Variants in MBD5 observed in about 807,000 individuals in gnomAD.
MBD5 encodes methyl-CpG-binding domain protein 5.
MBD5 carries 13 observed loss-of-function variants against 117.3 expected under a neutral mutation model. The observed-to-expected ratio is 0.11, with a 90% CI of 0.07 to 0.18. MBD5 has a LOEUF of 0.18. MBD5 is among the 10% of genes least tolerant of loss of function. The pLI, the probability that MBD5 is intolerant of heterozygous loss-of-function variation, is 1.00. For missense variants in MBD5, 1,879 were observed against 2,093.8 expected (o/e 0.90, Z 2.00); for synonymous variants, 727 against 766.4 (o/e 0.95, Z 0.85).
rs542115109 is a variant in MBD5 at position 148,360,320 on chromosome 2, A to G, written c.-557+17984A>G. On this transcript the variant is annotated intron_variant, in intron 4 of 13. Transcript: ENST00000642680. ...TAAAGTGCATATATTTTTTGGATTA[A>G]CAACACATTTATTTTTAGTATATGT... Among the ~76,000 whole-genome samples, 3 of 152,304 alleles carry G rather than the reference A, an allele frequency of 2.0e-5. No individual in the cohort carries two copies. The South Asian group carries it at 6.2e-4, about 32-fold the overall frequency.
chr2:148,288,394 C>A (rs1290776546), intron 3 of MBD5, among the ~76,000 whole-genome samples: 1 of 32,756 alleles, frequency 3.1e-5, no homozygotes. Flanking sequence ...AGCGAGACTC[C>A]GTCTCAAAAA....
rs1465514743 is a variant in MBD5 at position 148,483,936 on chromosome 2, A to G, written c.3345A>G (p.Ala1115=). The G allele has an allele frequency of 2.6e-6, 4 of 1,550,524 alleles. No homozygotes were observed. The highest frequency in any genetic ancestry group is 2.6e-6 in the Non-Finnish European group (3 of 1,146,944). The part of the protein sequence containing the change: ...PEVSIATSSQ[A]TTTTTTTSSA... Reference sequence around the variant, plus strand: ...TTTCCATAGCAACCTCCTCCCAGGCAACCACTACCACAACCACTACATCAT... The same window carrying G: ...TTTCCATAGCAACCTCCTCCCAGGCGACCACTACCACAACCACTACATCAT... The change falls in exon 9 of 14, where the codon GCA becomes GCG. Residue 1115 remains alanine, a synonymous_variant. Transcript: ENST00000642680.
intron 1 of MBD5, among the ~76,000 whole-genome samples, chr2:148,031,199 C>T (rs1694028479): frequency 6.6e-6 from 1 of 151,992 alleles, no homozygotes; most frequent in Non-Finnish European, 1.5e-5. Flanking sequence ...TAATCAGGTA[C>T]TGGTTTGAAT....
chr2:148,082,261 G>A (rs1695665736), intron 1 of MBD5, among the ~76,000 whole-genome samples: 2 of 152,072 alleles, frequency 1.3e-5, no homozygotes, highest in Non-Finnish European at 2.9e-5. Flanking sequence ...TCTGAACCCT[G>A]AGTTTTTCAA....
intron 1 of MBD5, among the ~76,000 whole-genome samples, chr2:148,085,510 G>A (rs997062555): frequency 7.2e-5 from 11 of 151,956 alleles, no homozygotes; most frequent in Admixed American, 2.6e-4. Flanking sequence ...GGATCACGAG[G>A]TCAGGAGATC....
chr2:148,438,606 G>T (rs1011194272), intron 4 of MBD5, among the ~76,000 whole-genome samples: 1 of 152,124 alleles, frequency 6.6e-6, no homozygotes, highest in Non-Finnish European at 1.5e-5. Flanking sequence ...AGAACCAAGA[G>T]AATATGTATA....
rs1024511946 is a variant in MBD5, at chr2:148,483,898, A to G, written c.3307A>G (p.Asn1103Asp). ...VLNSASANTA[N>D]HPEVSIATSS... ...GAACTCGGCATCGGCCAACACCGCTAATCATCCAGAGGTTTCCATAGCAAC... is the reference window on the plus strand; with the variant it reads ...GAACTCGGCATCGGCCAACACCGCTGATCATCCAGAGGTTTCCATAGCAAC... Residue 1103 changes from asparagine (N) to aspartate (D), a missense_variant, in exon 9 of 14, where the codon AAT becomes GAT. Asn to Asp is a conservative substitution (Grantham distance 23). Transcript: ENST00000642680. 1 of 1,550,586 alleles carries G rather than the reference A, an allele frequency of 6.4e-7. No individual in the cohort carries two copies.
chr2:148,152,149 C>T (rs1182968403), intron 1 of MBD5, among the ~76,000 whole-genome samples: 2 of 152,032 alleles, frequency 1.3e-5, no homozygotes, highest in East Asian at 1.9e-4. Flanking sequence ...TGTCTTTGTT[C>T]TCGTTGGTTT....
chr2:148,495,608 A>G (rs550075403), intron 11 of MBD5, among the ~76,000 whole-genome samples: 93 of 152,196 alleles, frequency 6.1e-4, no homozygotes, highest in Non-Finnish European at 1.1e-3. Flanking sequence ...ATACAGAGAC[A>G]CCTGATTACC....
At chr2:148,266,964 G>A (rs1574216845) in intron 3 of MBD5, among the ~76,000 whole-genome samples, 1 of 152,112 alleles carries the variant, frequency 6.6e-6, no homozygotes, top group African/African-American at 2.4e-5. Context: ...AGTGATTACT[G>A]TATGTCACAC....
chr2:148,214,094 T>C (rs1341112771), intron 2 of MBD5, among the ~76,000 whole-genome samples: 1 of 152,178 alleles, frequency 6.6e-6, no homozygotes, highest in East Asian at 1.9e-4. Flanking sequence ...ACTATGCATT[T>C]ACTCATTTTT....
chr2:148,092,703 G>A (rs537252080), intron 1 of MBD5, among the ~76,000 whole-genome samples: 1 of 151,690 alleles, frequency 6.6e-6, no homozygotes, highest in African/African-American at 2.4e-5. Flanking sequence ...CTACACATTG[G>A]GTACAGTATA....
intron 3 of MBD5, among the ~76,000 whole-genome samples, chr2:148,327,594 A>T (rs1229890011): frequency 3.3e-5 from 5 of 151,352 alleles, no homozygotes; most frequent in Non-Finnish European, 7.4e-5. Context: ...CATTCATTTC[A>T]TCTTCCATCG....
intron 3 of MBD5, among the ~76,000 whole-genome samples, chr2:148,281,551 TA>T (rs1454203259): frequency 1.3e-5 from 2 of 152,186 alleles, no homozygotes; most frequent in African/African-American, 4.8e-5. Flanking sequence ...TGATTGCTCG[TA>T]AATATATTTC....
At chr2:148,201,878 C>T (rs1699152565) in intron 2 of MBD5, among the ~76,000 whole-genome samples, 2 of 151,668 alleles carry the variant, frequency 1.3e-5, no homozygotes, top group Non-Finnish European at 1.5e-5. Context: ...TCAAGGGGCA[C>T]AACAGTGTAG....
intron 2 of MBD5, among the ~76,000 whole-genome samples, chr2:148,212,229 C>A (rs1393658077): frequency 6.6e-6 from 1 of 152,186 alleles, no homozygotes; most frequent in Non-Finnish European, 1.5e-5. Context: ...GTATCCATTT[C>A]CTACTCTATT....
At chr2:148,051,865 CAG>C (rs1694713999) in intron 1 of MBD5, among the ~76,000 whole-genome samples, 1 of 151,808 alleles carries the variant, frequency 6.6e-6, no homozygotes, top group East Asian at 1.9e-4. Flanking sequence ...GCTGGTCTTA[CAG>C]TATGAGTTAA....
At chr2:148,077,792 G>A (rs1409663495) in intron 1 of MBD5, among the ~76,000 whole-genome samples, 1 of 152,118 alleles carries the variant, frequency 6.6e-6, no homozygotes, top group African/African-American at 2.4e-5. Context: ...TGCAAAAGAT[G>A]TGACTTTTAT....
intron 4 of MBD5, among the ~76,000 whole-genome samples, chr2:148,380,915 T>C (rs905777992): frequency 2.0e-5 from 3 of 152,162 alleles, no homozygotes; most frequent in South Asian, 4.1e-4. Flanking sequence ...GGGTCCTGAC[T>C]GTTAGAAGGA....
Sources: gnomAD v4.1 joint callset for allele counts (sites outside exome capture counted in the v4.1 genomes callset) on GRCh38, gnomAD v4.1.1 for gene constraint, MANE v1.5 for transcripts, NCBI Gene and HGNC (gene_info 2026-07-23, HGNC 2026-07-21) for gene names.